EYA1: variants seen among roughly 807,000 people sequenced by gnomAD.
The protein encoded by EYA1 is EYA transcriptional coactivator and phosphatase 1.
Under a neutral mutation model 82.0 loss-of-function variants are expected in EYA1, and 16 were observed. That is an observed-to-expected ratio of 0.20 (90% CI 0.13 to 0.30). The LOEUF (loss-of-function observed/expected upper bound fraction) is 0.30, where lower values mean the gene tolerates loss of function less well. Among genes scored for constraint, EYA1 ranks in the 10% least tolerant of loss-of-function variants. EYA1 has a pLI of 1.00. For synonymous variants in EYA1, 261 were observed against 264.4 expected (o/e 0.99, Z 0.12); for missense variants, 633 against 730.7 (o/e 0.87, Z 1.54).
Position 71,299,707 on chromosome 8 carries a change from T to C in EYA1, c.570A>G (p.Thr190=). The change falls in exon 8 of 18, where the codon ACA becomes ACG. Residue 190 remains threonine (T), a synonymous_variant. Coordinates refer to ENST00000340726, the MANE Select transcript of EYA1 (RefSeq NM_000503.6). The stretch of plus-strand genomic sequence containing the variant: ...TTCCTGTATATATTCCTGATGATGT[T>C]GTAAAACTGCTACCTAAAACAAAAT... ...YSYQMQGSSF[T]TSSGIYTGNN... 1 of 1,551,146 alleles carries C rather than the reference T, an allele frequency of 6.4e-7. No individual in the cohort carries two copies. The highest frequency in any genetic ancestry group is 8.9e-7 in the Non-Finnish European group (1 of 1,123,912).
intron 1 of EYA1, 138 bp from the exon 2 acceptor site, chr8:71,356,649 A>G: frequency 7.2e-7 from 1 of 1,380,694 alleles, no homozygotes; most frequent in Non-Finnish European, 9.4e-7. Flanking sequence ...TGCAGCAGTG[A>G]AAGGCATATT....
At chr8:71,218,717 G>C in intron 12 of EYA1, among the ~76,000 whole-genome samples, 1 of 152,006 alleles carries the variant, frequency 6.6e-6, no homozygotes, top group East Asian at 1.9e-4. Flanking sequence ...AATGATGATC[G>C]CTTGTGTTTT....
At chr8:71,470,769 CTT>C (rs1044547586) in intron 2 of EYA1, 33 of 430,398 alleles carry the variant, frequency 7.7e-5, no homozygotes, top group African/African-American at 5.5e-4. Flanking sequence ...ATATAACAGA[CTT>C]AACACTGTGT....
intron 9 of EYA1, among the ~76,000 whole-genome samples, chr8:71,296,587 T>C (rs1369131454): frequency 6.6e-6 from 1 of 150,950 alleles, no homozygotes; most frequent in Admixed American, 6.6e-5. Context: ...AACTCTCCAG[T>C]ATTATAAAAT....
chr8:71,252,193 A>C (rs1813828188), intron 11 of EYA1, among the ~76,000 whole-genome samples: 1 of 151,866 alleles, frequency 6.6e-6, no homozygotes, highest in African/African-American at 2.4e-5. Context: ...CTGATTCTTT[A>C]ATTTACCAAG....
chr8:71,509,599 T>C (rs1171186522), intron 2 of EYA1, among the ~76,000 whole-genome samples: 1 of 152,210 alleles, frequency 6.6e-6, no homozygotes, highest in South Asian at 2.1e-4. Flanking sequence ...TGAACTTCAA[T>C]GCATTTTGAC....
chr8:71,320,196 G>A (rs1428026845), intron 6 of EYA1, among the ~76,000 whole-genome samples: 1 of 152,150 alleles, frequency 6.6e-6, no homozygotes. Context: ...TTGGCAAAGG[G>A]AGATGTCCAG....
At chr8:71,282,433 G>T (rs1401868810) in intron 9 of EYA1, among the ~76,000 whole-genome samples, 3 of 152,154 alleles carry the variant, frequency 2.0e-5, no homozygotes, top group African/African-American at 7.2e-5. Flanking sequence ...CTTCCATCAT[G>T]CTATTTTCTC....
At chr8:71,464,221 T>C (rs970090894) in intron 2 of EYA1, among the ~76,000 whole-genome samples, 36 of 152,134 alleles carry the variant, frequency 2.4e-4, no homozygotes, top group African/African-American at 7.5e-4. Context: ...ACTTCTCCTA[T>C]AGCCATTTGC....
At chr8:71,381,765 A>G (rs913263214) in intron 2 of EYA1, among the ~76,000 whole-genome samples, 1 of 152,200 alleles carries the variant, frequency 6.6e-6, no homozygotes, top group East Asian at 1.9e-4. Flanking sequence ...AGAAATGTCT[A>G]CATCCCCCTC....
At chr8:71,375,261 A>AAT (rs144567107) in intron 2 of EYA1, among the ~76,000 whole-genome samples, 15,061 of 151,138 alleles carry the variant, frequency 0.1, 1,275 homozygotes, top group African/African-American at 0.24. Flanking sequence ...GTACATCTTA[A>AAT]ATATATATAT....
At chr8:71,497,371 C>T (rs1053512196) in intron 2 of EYA1, among the ~76,000 whole-genome samples, 1 of 152,126 alleles carries the variant, frequency 6.6e-6, no homozygotes, top group African/African-American at 2.4e-5. Context: ...TATAAGAACT[C>T]AAACAACTCA....
At position 71,344,068 on chromosome 8, in the gene EYA1, T is replaced by C. The variant is rs141402772; in HGVS notation, c.125-9894A>G. Reference sequence around the variant, plus strand: ...ATTTTAAAGTAAGTTGCAGATATAATACACTTCCCCTAAACACTTCAGCAT... The same window carrying C: ...ATTTTAAAGTAAGTTGCAGATATAACACACTTCCCCTAAACACTTCAGCAT... On this transcript the variant is annotated intron_variant, in intron 3 of 17. Coordinates refer to ENST00000340726, the MANE Select transcript of EYA1 (RefSeq NM_000503.6). Among the ~76,000 whole-genome samples, 757 of 152,278 alleles carry C rather than the reference T, an allele frequency of 5.0e-3. 2 individuals carry two copies. Among genetic ancestry groups the C allele is most frequent in the Non-Finnish European group, 8.1e-3 (553 of 68,006 alleles).
chr8:71,453,425 C>T (rs1360194050), intron 2 of EYA1, among the ~76,000 whole-genome samples: 1 of 152,090 alleles, frequency 6.6e-6, no homozygotes, highest in East Asian at 1.9e-4. Flanking sequence ...GAGAACGCCA[C>T]AAAGATACTC....
chr8:71,544,084 A>T (rs1443436352), intron 1 of EYA1, among the ~76,000 whole-genome samples: 6 of 152,216 alleles, frequency 3.9e-5, no homozygotes, highest in African/African-American at 1.4e-4. Flanking sequence ...TGGAGAAATC[A>T]TTAAGCTGTC....
At chr8:71,251,831 A>AT (rs35376236) in intron 11 of EYA1, among the ~76,000 whole-genome samples, 5 of 151,290 alleles carry the variant, frequency 3.3e-5, no homozygotes, top group Admixed American at 2.0e-4. Flanking sequence ...TTGTTTATTG[A>AT]TTTTTTTTTT....
intron 2 of EYA1, among the ~76,000 whole-genome samples, chr8:71,450,778 T>C (rs1359378718): frequency 1.3e-5 from 2 of 152,138 alleles, no homozygotes; most frequent in Non-Finnish European, 2.9e-5. Flanking sequence ...ACAAGAAAGA[T>C]GCCCAAAGAT....
At chr8:71,322,016 C>T (rs1822616447) in intron 5 of EYA1, 137 bp from the exon 6 acceptor site, 1 of 1,252,338 alleles carries the variant, frequency 8.0e-7, no homozygotes, top group Admixed American at 1.8e-5. Flanking sequence ...TGACAAAGCA[C>T]TGAAATACTT....
chr8:71,317,223 A>G (rs956408783), intron 7 of EYA1, among the ~76,000 whole-genome samples: 2 of 152,022 alleles, frequency 1.3e-5, no homozygotes, highest in East Asian at 3.9e-4. Flanking sequence ...CCATATCACA[A>G]CCTCCTACGT....
Sources: gnomAD v4.1 joint callset for allele counts (sites outside exome capture counted in the v4.1 genomes callset) on GRCh38, gnomAD v4.1.1 for gene constraint, MANE v1.5 for transcripts, NCBI Gene and HGNC (gene_info 2026-07-23, HGNC 2026-07-21) for gene names.